The following MALRD1 variants were observed in gnomAD, a reference collection of about 807,000 sequenced individuals.
The protein encoded by MALRD1 is MAM and LDL-receptor class A domain-containing protein 1.
In MALRD1, 247 loss-of-function variants were observed where a neutral mutation model predicts 242.1. That is an observed-to-expected ratio of 1.02 (90% CI 0.92 to 1.13). The LOEUF (loss-of-function observed/expected upper bound fraction) is 1.13. Among genes scored for constraint, MALRD1 ranks in the 50% most tolerant of loss-of-function variants. The pLI is 0.00. For missense variants in MALRD1, 2,989 were observed against 2,533.1 expected (o/e 1.18, Z -3.86); for synonymous variants, 995 against 866.6 (o/e 1.15, Z -2.60).
chr10:19,465,708 A>G (rs1836187455), intron 29 of MALRD1, among the ~76,000 whole-genome samples: 1 of 152,060 alleles, frequency 6.6e-6, no homozygotes, highest in African/African-American at 2.4e-5. Context: ...AATTTTTTGT[A>G]TTTTTAATAC....
Position 19,209,667 on chromosome 10 carries a change from G to C in MALRD1, c.2978G>C (p.Arg993Thr). The C allele has an allele frequency of 6.5e-7, 1 of 1,548,562 alleles. No homozygotes were observed. Among genetic ancestry groups the C allele is most frequent in the Non-Finnish European group, 8.7e-7 (1 of 1,145,814 alleles). ...AGGAAACACCTCAACATTTCCAGCA[G>C]GCAGCCCTTTCAGGTATGGATAATA... ...WIRKHLNISS[R>T]QPFQILVEAS... Residue 993 changes from arginine (R) to threonine (T), a missense_variant, in exon 18 of 40, where the codon AGG becomes ACG. Physicochemically the swap from Arg to Thr is moderately conservative, Grantham distance 71 (BLOSUM62 -1). Coordinates refer to ENST00000454679, the MANE Select transcript of MALRD1 (RefSeq NM_001142308.3).
intron 1 of MALRD1, among the ~76,000 whole-genome samples, chr10:19,064,336 G>C (rs538722593): frequency 1.5e-4 from 23 of 152,304 alleles, no homozygotes; most frequent in African/African-American, 5.5e-4. Context: ...GATAGTTTCA[G>C]ACTTGAATGT....
At chr10:19,558,516 T>G (rs1165683832) in intron 32 of MALRD1, among the ~76,000 whole-genome samples, 2 of 152,196 alleles carry the variant, frequency 1.3e-5, no homozygotes, top group Non-Finnish European at 2.9e-5. Context: ...TTCTGTAGCT[T>G]GTTGATATGA....
At position 19,730,705 on chromosome 10, in the gene MALRD1, G is replaced by A; in HGVS notation, c.6315-1G>A. The A allele has an allele frequency of 6.5e-7, 1 of 1,536,544 alleles. No individual in the cohort carries two copies. The highest frequency in any genetic ancestry group is 8.7e-7 in the Non-Finnish European group (1 of 1,146,996). On this transcript the variant is annotated splice_acceptor_variant, in intron 38 of 39. Coordinates refer to ENST00000454679, the MANE Select transcript of MALRD1 (RefSeq NM_001142308.3). LOFTEE classifies it high-confidence loss of function. ...TTTTTGATGGCCCTGTGTGCTTTAA[G>A]GAAAACCGAGGGAAGTGGTAACTGT...
chr10:19,194,193 C>T (rs1165178284), intron 14 of MALRD1, among the ~76,000 whole-genome samples: 1 of 152,048 alleles, frequency 6.6e-6, no homozygotes, highest in Non-Finnish European at 1.5e-5. Context: ...GTGGGTGCTC[C>T]TTAGACACCC....
At chr10:19,061,353 C>A (rs1383310860) in intron 1 of MALRD1, among the ~76,000 whole-genome samples, 1 of 152,142 alleles carries the variant, frequency 6.6e-6, no homozygotes, top group South Asian at 2.1e-4. Flanking sequence ...TTCAGTACTA[C>A]CGAAAGCAAT....
intron 24 of MALRD1, among the ~76,000 whole-genome samples, chr10:19,338,757 A>G (rs1009108329): frequency 3.3e-5 from 5 of 152,002 alleles, no homozygotes; most frequent in African/African-American, 7.2e-5. Context: ...GAACAATTCA[A>G]TTATACTCTT....
intron 5 of MALRD1, among the ~76,000 whole-genome samples, chr10:19,123,085 C>G (rs377040605): frequency 1.3e-5 from 2 of 152,132 alleles, no homozygotes. Flanking sequence ...CAGGGAAGAT[C>G]CACCTTCCAG....
intron 36 of MALRD1, among the ~76,000 whole-genome samples, chr10:19,673,453 G>A (rs773697017): frequency 6.6e-6 from 1 of 152,154 alleles, no homozygotes; most frequent in Non-Finnish European, 1.5e-5. Context: ...AGTGAGGGAA[G>A]AGGCAGTGTT....
intron 14 of MALRD1, among the ~76,000 whole-genome samples, chr10:19,183,879 A>G (rs776704177): frequency 2.0e-5 from 3 of 152,210 alleles, no homozygotes; most frequent in Non-Finnish European, 4.4e-5. Context: ...GTTACTTAAA[A>G]TGTAACCCAG....
chr10:19,666,165 C>T (rs965288068), intron 36 of MALRD1, among the ~76,000 whole-genome samples: 1 of 152,186 alleles, frequency 6.6e-6, no homozygotes, highest in African/African-American at 2.4e-5. Flanking sequence ...AGCCTCCTCA[C>T]ATTTATTGAT....
intron 22 of MALRD1, among the ~76,000 whole-genome samples, 155 bp from the exon 23 acceptor site, chr10:19,327,408 C>T (rs1843177707): frequency 6.6e-6 from 1 of 151,122 alleles, no homozygotes; most frequent in Non-Finnish European, 1.5e-5. Context: ...CTGTAGAAAA[C>T]AAAGATATCT....
At chr10:19,655,255 T>G (rs1841087795) in intron 36 of MALRD1, among the ~76,000 whole-genome samples, 1 of 152,014 alleles carries the variant, frequency 6.6e-6, no homozygotes, top group South Asian at 2.1e-4. Context: ...ATTGGAGACT[T>G]TTTAAATTTC....
intron 28 of MALRD1, among the ~76,000 whole-genome samples, chr10:19,414,608 A>C (rs1236714949): frequency 6.6e-6 from 1 of 152,190 alleles, no homozygotes; most frequent in Non-Finnish European, 1.5e-5. Context: ...TAGAGGTGAA[A>C]ATTTGGTAGT....
chr10:19,116,489 A>C (rs1836874248), intron 5 of MALRD1, among the ~76,000 whole-genome samples: 1 of 152,236 alleles, frequency 6.6e-6, no homozygotes. Context: ...ACTACAAATA[A>C]GGATAACTGA....
At chr10:19,217,442 C>T (rs1837367612) in intron 18 of MALRD1, among the ~76,000 whole-genome samples, 2 of 151,864 alleles carry the variant, frequency 1.3e-5, no homozygotes, top group African/African-American at 2.4e-5. Context: ...ACTTTCTTTT[C>T]CTGAAGCTTA....
chr10:19,415,210 A>G (rs1488677770), intron 28 of MALRD1, among the ~76,000 whole-genome samples: 1 of 152,218 alleles, frequency 6.6e-6, no homozygotes, highest in Non-Finnish European at 1.5e-5. Flanking sequence ...GTGTTAAACT[A>G]GAGAAAACTA....
At chr10:19,383,016 C>T (rs1845903027) in intron 26 of MALRD1, among the ~76,000 whole-genome samples, 1 of 151,960 alleles carries the variant, frequency 6.6e-6, no homozygotes, top group Non-Finnish European at 1.5e-5. Context: ...CTACAGATAC[C>T]ATGGACATTA....
chr10:19,607,084 A>G (rs143317256), intron 34 of MALRD1, among the ~76,000 whole-genome samples: 1 of 152,168 alleles, frequency 6.6e-6, no homozygotes, highest in African/African-American at 2.4e-5. Context: ...ACACTTTTCG[A>G]AACAACCAAA....
Sources: allele counts gnomAD v4.1 joint callset (sites outside exome capture counted in the v4.1 genomes callset), GRCh38; gene constraint gnomAD v4.1.1; transcripts MANE v1.5; gene names NCBI Gene and HGNC (gene_info 2026-07-23, HGNC 2026-07-21).